The following GRID1 variants were observed in gnomAD, a reference collection of about 807,000 sequenced individuals.
The protein encoded by GRID1 is glutamate receptor ionotropic, delta-1.
GRID1 carries 28 observed loss-of-function variants against 98.0 expected under a neutral mutation model. The observed-to-expected ratio is 0.29, with a 90% CI of 0.21 to 0.39. The LOEUF is 0.39. Among genes scored for constraint, GRID1 ranks in the 10% least tolerant of loss-of-function variants. GRID1 has a pLI of 1.00. For missense variants in GRID1, 1,111 were observed against 1,340.5 expected (o/e 0.83, Z 2.67); for synonymous variants, 553 against 538.5 (o/e 1.03, Z -0.37).
At chr10:86,171,025 G>A (rs1845478128) in intron 3 of GRID1, among the ~76,000 whole-genome samples, 1 of 152,036 alleles carries the variant, frequency 6.6e-6, no homozygotes, top group Admixed American at 6.6e-5. Context: ...CTGAGGCAGT[G>A]GTTCTCAGAC....
chr10:85,692,059 A>G (rs1841339577), intron 12 of GRID1, among the ~76,000 whole-genome samples: 1 of 152,144 alleles, frequency 6.6e-6, no homozygotes, highest in Non-Finnish European at 1.5e-5. Context: ...TTTCGTCAGT[A>G]GCTCCATTTA....
chr10:86,278,767 G>A (rs1260475484), intron 2 of GRID1, among the ~76,000 whole-genome samples: 2 of 152,168 alleles, frequency 1.3e-5, no homozygotes, highest in Non-Finnish European at 2.9e-5. Flanking sequence ...GAAGGAAATG[G>A]AATTTGAAGT....
chr10:86,128,284 G>GCA (rs1844783069), intron 4 of GRID1, among the ~76,000 whole-genome samples: 1 of 152,036 alleles, frequency 6.6e-6, no homozygotes, highest in Non-Finnish European at 1.5e-5. Context: ...GCATCTCCCT[G>GCA]GGGTAGGAAA....
intron 8 of GRID1, among the ~76,000 whole-genome samples, chr10:85,755,066 T>C (rs1564580357): frequency 6.6e-6 from 1 of 152,152 alleles, no homozygotes; most frequent in Non-Finnish European, 1.5e-5. Context: ...GTTTTTAGTC[T>C]TTTCTTCTCC....
chr10:85,867,414 A>T (rs1410353009), intron 6 of GRID1, among the ~76,000 whole-genome samples: 1 of 152,204 alleles, frequency 6.6e-6, no homozygotes, highest in Non-Finnish European at 1.5e-5. Flanking sequence ...GCAGGGAGTG[A>T]GACCCTCACA....
intron 8 of GRID1, among the ~76,000 whole-genome samples, chr10:85,841,322 C>A (rs901916023): frequency 6.6e-6 from 1 of 152,106 alleles, no homozygotes; most frequent in African/African-American, 2.4e-5. Flanking sequence ...TCACCATACA[C>A]AAAAATTAAC....
At chr10:85,750,569 G>A (rs563717674) in intron 8 of GRID1, among the ~76,000 whole-genome samples, 13 of 152,210 alleles carry the variant, frequency 8.5e-5, no homozygotes, top group African/African-American at 2.6e-4. Flanking sequence ...TTTCTACTTC[G>A]ATTTTTGCTT....
chr10:86,248,225 G>A (rs976945285), intron 2 of GRID1, among the ~76,000 whole-genome samples: 8 of 152,316 alleles, frequency 5.3e-5, no homozygotes, highest in African/African-American at 1.7e-4. Flanking sequence ...TCCTGCCAGC[G>A]GGAGTCACCT....
At chr10:86,229,255 G>C (rs761656734) in intron 2 of GRID1, among the ~76,000 whole-genome samples, 9 of 152,150 alleles carry the variant, frequency 5.9e-5, no homozygotes, top group Non-Finnish European at 1.2e-4. Context: ...AGCACTGCCA[G>C]TCCCCCTCCT....
At chr10:85,776,581 G>T (rs978996634) in intron 8 of GRID1, among the ~76,000 whole-genome samples, 2 of 152,192 alleles carry the variant, frequency 1.3e-5, no homozygotes, top group African/African-American at 4.8e-5. Context: ...AGGGGAGGCA[G>T]CAGAAGGGGA....
intron 2 of GRID1, among the ~76,000 whole-genome samples, chr10:86,347,341 GACCCC>G (rs898927695): frequency 6.6e-6 from 1 of 152,088 alleles, no homozygotes; most frequent in African/African-American, 2.4e-5. Context: ...CTCTCCAAGT[GACCCC>G]ACCCCCATCT....
chr10:86,305,491 A>G (rs570378668), intron 2 of GRID1, among the ~76,000 whole-genome samples: 1 of 152,332 alleles, frequency 6.6e-6, no homozygotes, highest in African/African-American at 2.4e-5. Context: ...CTCAGACCTC[A>G]CTGCCTTCTC....
At chr10:85,659,285 G>A (rs971728760) in intron 12 of GRID1, among the ~76,000 whole-genome samples, 2 of 152,228 alleles carry the variant, frequency 1.3e-5, no homozygotes, top group African/African-American at 2.4e-5. Flanking sequence ...AGATGGAGGA[G>A]AGTGCTGCTG....
intron 4 of GRID1, among the ~76,000 whole-genome samples, chr10:86,006,895 G>T (rs1041433542): frequency 6.6e-6 from 1 of 151,984 alleles, no homozygotes; most frequent in African/African-American, 2.4e-5. Flanking sequence ...GGCAGGGGAA[G>T]CTGGCGGTGG....
chr10:85,900,638 G>A (rs1188223090), intron 5 of GRID1, among the ~76,000 whole-genome samples: 3 of 152,186 alleles, frequency 2.0e-5, no homozygotes, highest in Non-Finnish European at 2.9e-5. Flanking sequence ...TCTACAGGGA[G>A]TTGGAACTTG....
intron 3 of GRID1, among the ~76,000 whole-genome samples, chr10:86,171,965 G>A (rs1384986317): frequency 1.3e-5 from 2 of 152,108 alleles, no homozygotes; most frequent in Admixed American, 1.3e-4. Context: ...ACTCTGTGAT[G>A]TGGTTGGTAT....
intron 4 of GRID1, among the ~76,000 whole-genome samples, chr10:86,009,211 C>A (rs1315134408): frequency 1.3e-5 from 2 of 152,098 alleles, no homozygotes; most frequent in Non-Finnish European, 2.9e-5. Context: ...GTGATCTCAT[C>A]CTTGCAAGAA....
Position 86,139,029 on chromosome 10 carries a change from G to A in GRID1, c.521-5C>T, listed in dbSNP as rs1210961732. 5 of 1,605,526 alleles carry A rather than the reference G, an allele frequency of 3.1e-6. No individual in the cohort carries two copies. In the Middle Eastern group the frequency reaches 4.9e-4, roughly 159 times the overall value. ...AGCTTTGAAGCCCACGGATATCTGA[G>A]CAGTGAGAGAAGAGGAGGAAAAGAA... On this transcript the variant is annotated splice_region_variant and splice_polypyrimidine_tract_variant and intron_variant, in intron 3 of 15. Coordinates refer to ENST00000327946, the MANE Select transcript of GRID1 (RefSeq NM_017551.3).
intron 4 of GRID1, among the ~76,000 whole-genome samples, 159 bp downstream of exon 4, chr10:86,138,660 A>C (rs766793665): frequency 6.6e-5 from 10 of 152,194 alleles, no homozygotes; most frequent in Non-Finnish European, 1.3e-4. Context: ...TGCTCAGAGA[A>C]TCCCCCCTTA....
Sources: gnomAD v4.1 joint callset for allele counts (sites outside exome capture counted in the v4.1 genomes callset) on GRCh38, gnomAD v4.1.1 for gene constraint, MANE v1.5 for transcripts, NCBI Gene and HGNC (gene_info 2026-07-23, HGNC 2026-07-21) for gene names.